RPN2: variants seen among roughly 807,000 people sequenced by gnomAD.
The protein encoded by RPN2 is ribophorin II.
Under a neutral mutation model 71.4 loss-of-function variants are expected in RPN2, and 29 were observed. The ratio of observed to expected loss-of-function variants is 0.41; its 90% confidence interval spans 0.30 to 0.55. The LOEUF (loss-of-function observed/expected upper bound fraction) is 0.55. Among genes scored for constraint, RPN2 ranks in the 20% least tolerant of loss-of-function variants. The pLI is 0.35. For synonymous variants in RPN2, 308 were observed against 305.0 expected, an observed-to-expected ratio of 1.01 and a Z score of -0.10; for missense variants, 726 against 774.1, an observed-to-expected ratio of 0.94 and a Z score of 0.74.
At chr20:37,207,585 T>C in intron 7 of RPN2, 136 bp downstream of exon 7, 1 of 825,114 alleles carries the variant, frequency 1.2e-6, no homozygotes. Context: ...AAGGCTCATT[T>C]CCCTGAGCCT....
At chr20:37,212,483 GA>G (rs1200955614) in intron 8 of RPN2, among the ~76,000 whole-genome samples, 1 of 103,440 alleles carries the variant, frequency 9.7e-6, no homozygotes, top group Non-Finnish European at 2.0e-5. Context: ...TAATTGTATA[GA>G]ATTTTTTTTT....
At position 37,213,179 on chromosome 20, in the gene RPN2, T is replaced by C. The variant is rs548150677; in HGVS notation, c.987-581T>C. Among the ~76,000 whole-genome samples the C allele has an allele frequency of 1.1e-4, 17 of 152,302 alleles. No individual in the cohort carries two copies. In the East Asian group the frequency reaches 1.5e-3, roughly 14 times the overall value. ...TTGTCATTGTGAAACATATGTGGGA[T>C]CACATTGTAAACTTCTCAATTTTAC... On this transcript the variant is annotated intron_variant, in intron 8 of 16. Coordinates refer to ENST00000237530, the MANE Select transcript of RPN2 (RefSeq NM_002951.5).
rs1015391689 is a variant in RPN2 at position 37,207,172 on chromosome 20, T to G, written c.691-101T>G. 3 of 924,102 alleles carry G rather than the reference T, an allele frequency of 3.2e-6. No individual in the cohort carries two copies. The African/African-American group carries it at 4.8e-5, about 15-fold the overall frequency. 57.2% of individuals were successfully genotyped at this position (924,102 alleles called of 1,614,324 possible). On this transcript the variant is annotated intron_variant, in intron 6 of 16. Coordinates refer to ENST00000237530, the MANE Select transcript of RPN2 (RefSeq NM_002951.5). ...ATCATTGACCAAAAGACCTCCCATGTGAACACCCGAAACAGATAAGGGTGA... is the reference window on the plus strand; with the variant it reads ...ATCATTGACCAAAAGACCTCCCATGGGAACACCCGAAACAGATAAGGGTGA...
intron 16 of RPN2, 128 bp from the exon 17 acceptor site, chr20:37,241,175 G>A (rs1343799981): frequency 1.9e-6 from 2 of 1,064,498 alleles, no homozygotes; most frequent in Non-Finnish European, 2.9e-6. Flanking sequence ...GGAGATAAAT[G>A]ATTATTCCCT....
chr20:37,225,938 T>G, intron 11 of RPN2, 136 bp downstream of exon 11: 1 of 716,932 alleles, frequency 1.4e-6, no homozygotes, highest in Non-Finnish European at 2.5e-6. Context: ...TGACAGTCCA[T>G]CAGGTTCTCC....
intron 2 of RPN2, among the ~76,000 whole-genome samples, chr20:37,191,372 A>T (rs984753723): frequency 8.1e-5 from 12 of 148,098 alleles, no homozygotes; most frequent in Non-Finnish European, 1.5e-4. Context: ...GCTACTCGGG[A>T]GGCCGAGGCA....
Position 37,236,650 on chromosome 20 carries a change from C to T in RPN2, c.1824C>T (p.Ile608=). 4 of 1,614,000 alleles carry T rather than the reference C, an allele frequency of 2.5e-6. No individual in the cohort carries two copies. Among genetic ancestry groups the T allele is most frequent in the South Asian group, 1.1e-5 (1 of 91,080 alleles). Residue 608 remains isoleucine, a synonymous_variant, in exon 16 of 17, where the codon ATC becomes ATT. Coordinates refer to ENST00000237530, the MANE Select transcript of RPN2 (RefSeq NM_002951.5). ...TCCAGACCTTGAAGTACCTGGCCAT[C>T]CTGGGCAGTGTGACGTTTCTGGCTG... is the stretch of plus-strand genomic sequence containing the variant. ...NMFQTLKYLA[I]LGSVTFLAGN... is the part of the protein sequence containing the mutation.
intron 9 of RPN2, among the ~76,000 whole-genome samples, chr20:37,219,994 T>C (rs865864866): frequency 2.6e-5 from 4 of 152,340 alleles, no homozygotes; most frequent in Middle Eastern, 3.4e-3. Flanking sequence ...CTGGTGTTTG[T>C]CCAAGTGTTT....
At chr20:37,230,294 T>C (rs1297908561) in intron 13 of RPN2, among the ~76,000 whole-genome samples, 1 of 152,130 alleles carries the variant, frequency 6.6e-6, no homozygotes, top group Non-Finnish European at 1.5e-5. Context: ...AGAACCTGAG[T>C]CTGGTTTTCC....
chr20:37,196,259 C>T (rs1198381093), intron 2 of RPN2, among the ~76,000 whole-genome samples: 2 of 151,758 alleles, frequency 1.3e-5, no homozygotes, highest in Non-Finnish European at 2.9e-5. Context: ...GACGGAGTCT[C>T]GCTCTGTCGC....
intron 4 of RPN2, chr20:37,200,371 A>G (rs1810235617): frequency 2.1e-6 from 1 of 475,096 alleles, no homozygotes; most frequent in Admixed American, 2.4e-5. Context: ...TTTTTTTAAC[A>G]CTTAAACTGC....
intron 1 of RPN2, among the ~76,000 whole-genome samples, chr20:37,182,530 A>G (rs1252863955): frequency 6.6e-6 from 1 of 152,082 alleles, no homozygotes; most frequent in Non-Finnish European, 1.5e-5. Context: ...AGCTGGGACT[A>G]CAGGCACACG....
chr20:37,209,041 G>T (rs567252982), intron 7 of RPN2, among the ~76,000 whole-genome samples: 1 of 152,308 alleles, frequency 6.6e-6, no homozygotes, highest in African/African-American at 2.4e-5. Context: ...AGTGGAAAAA[G>T]AATTGACTCT....
chr20:37,182,631 A>G (rs1310810896), intron 1 of RPN2, among the ~76,000 whole-genome samples: 1 of 151,824 alleles, frequency 6.6e-6, no homozygotes, highest in Non-Finnish European at 1.5e-5. Flanking sequence ...CCTGGGCTCA[A>G]GCATCCGCCT....
intron 9 of RPN2, among the ~76,000 whole-genome samples, chr20:37,218,977 G>A (rs1251394165): frequency 1.3e-5 from 2 of 152,098 alleles, no homozygotes; most frequent in Non-Finnish European, 2.9e-5. Flanking sequence ...TAATGCTGCT[G>A]TGAACATTTG....
chr20:37,224,327 G>A (rs1260918431), intron 10 of RPN2, among the ~76,000 whole-genome samples: 1 of 152,186 alleles, frequency 6.6e-6, no homozygotes, highest in Non-Finnish European at 1.5e-5. Flanking sequence ...CTCAATGAAG[G>A]AAGCAAGGTA....
At chr20:37,182,313 T>C (rs531743851) in intron 1 of RPN2, among the ~76,000 whole-genome samples, 2 of 152,126 alleles carry the variant, frequency 1.3e-5, no homozygotes, top group African/African-American at 4.8e-5. Context: ...AGGCTGGTCT[T>C]GAACTCCTGA....
At chr20:37,218,176 C>T (rs112405749) in intron 9 of RPN2, among the ~76,000 whole-genome samples, 1 of 152,256 alleles carries the variant, frequency 6.6e-6, no homozygotes, top group African/African-American at 2.4e-5. Flanking sequence ...CTTTGGGAGG[C>T]TGAGGTGGGA....
chr20:37,213,861 T>C lies in RPN2; in HGVS notation c.1088T>C (p.Val363Ala). Residue 363 changes from valine (V) to alanine (A), a missense_variant, in exon 9 of 17, where the codon GTA becomes GCA. Val to Ala is a moderately conservative substitution (Grantham distance 64, BLOSUM62 0). Transcript: ENST00000237530. ...GACAACCGGTATATTGCAAATACCG[T>C]AGAGGTAGGTGTTTTTCTTTCCTTC... is the stretch of plus-strand genomic sequence containing the variant. ...EGDNRYIANT[V>A]ELRVKISTEV... 1 of 1,604,590 alleles carries C rather than the reference T, an allele frequency of 6.2e-7. No homozygotes were observed. The highest frequency in any genetic ancestry group is 1.1e-5 in the South Asian group (1 of 90,892).
Sources: gnomAD v4.1 joint callset for allele counts (sites outside exome capture counted in the v4.1 genomes callset) on GRCh38, gnomAD v4.1.1 for gene constraint, MANE v1.5 for transcripts, NCBI Gene and HGNC (gene_info 2026-07-23, HGNC 2026-07-21) for gene names.